The following PLXDC2 variants were observed in gnomAD, a reference collection of about 807,000 sequenced individuals.
PLXDC2 encodes the protein plexin domain-containing protein 2.
PLXDC2 carries 40 observed loss-of-function variants against 68.9 expected under a neutral mutation model. The ratio of observed to expected loss-of-function variants is 0.58; its 90% CI spans 0.45 to 0.76. PLXDC2 has a LOEUF of 0.76. Ranked by LOEUF, PLXDC2 falls within the 30% of genes least tolerant of loss-of-function variation. The pLI, the probability that PLXDC2 is intolerant of heterozygous loss-of-function variation, is 0.00. For missense variants in PLXDC2, 644 were observed against 661.9 expected, an observed-to-expected ratio of 0.97 and a Z score of 0.30; for synonymous variants, 243 against 234.2, an observed-to-expected ratio of 1.04 and a Z score of -0.34.
At chr10:20,067,374 G>A (rs1489594451) in intron 3 of PLXDC2, among the ~76,000 whole-genome samples, 2 of 152,074 alleles carry the variant, frequency 1.3e-5, no homozygotes, top group Non-Finnish European at 2.9e-5. Flanking sequence ...AGAGCTGATT[G>A]TATTTGAAAC....
chr10:20,207,177 T>C (rs1835004893), intron 9 of PLXDC2, among the ~76,000 whole-genome samples: 1 of 152,196 alleles, frequency 6.6e-6, no homozygotes, highest in Non-Finnish European at 1.5e-5. Context: ...CTTTCCATTC[T>C]AGCCCTTAGT....
intron 1 of PLXDC2, among the ~76,000 whole-genome samples, chr10:19,926,603 T>C (rs914102813): frequency 2.6e-5 from 4 of 152,312 alleles, no homozygotes; most frequent in African/African-American, 9.6e-5. Context: ...GCAGAATTCC[T>C]TTCCATTTTT....
rs139140253 is a variant in PLXDC2, at chr10:20,039,934, A to G, written c.325-6935A>G. On this transcript the variant is annotated intron_variant, in intron 2 of 13. Transcript: ENST00000377252. ...GATGCAACTTTCTAAAACTGAGATT[A>G]TAGCGTAAGTGCTGAGAAATAAAAA... is the stretch of plus-strand genomic sequence containing the variant. Among the ~76,000 whole-genome samples the G allele has an allele frequency of 5.3e-5, 8 of 152,322 alleles. No individual in the cohort carries two copies. In the East Asian group the frequency reaches 1.4e-3, roughly 26 times the overall value.
chr10:19,991,009 G>A (rs1834739281), intron 1 of PLXDC2, among the ~76,000 whole-genome samples: 1 of 152,138 alleles, frequency 6.6e-6, no homozygotes, highest in Non-Finnish European at 1.5e-5. Flanking sequence ...CACTTTGGGA[G>A]GCCGAGGCGG....
At chr10:19,962,869 A>G (rs1209168522) in intron 1 of PLXDC2, among the ~76,000 whole-genome samples, 1 of 150,466 alleles carries the variant, frequency 6.6e-6, no homozygotes, top group Non-Finnish European at 1.5e-5. Context: ...TGGTGCCTGT[A>G]GTCCCAGCTG....
At chr10:19,927,064 G>T (rs1250806043) in intron 1 of PLXDC2, among the ~76,000 whole-genome samples, 1 of 152,136 alleles carries the variant, frequency 6.6e-6, no homozygotes, top group Non-Finnish European at 1.5e-5. Context: ...TGGTGTCGTT[G>T]TTGCTGACAA....
intron 12 of PLXDC2, among the ~76,000 whole-genome samples, chr10:20,241,353 G>T (rs1437110245): frequency 6.6e-6 from 1 of 152,140 alleles, no homozygotes; most frequent in Non-Finnish European, 1.5e-5. Context: ...AGTGAAACAT[G>T]ACCCTTGCCC....
intron 4 of PLXDC2, among the ~76,000 whole-genome samples, chr10:20,088,209 A>T (rs1369238612): frequency 6.6e-6 from 1 of 152,180 alleles, no homozygotes; most frequent in Non-Finnish European, 1.5e-5. Flanking sequence ...TAGAGTAACG[A>T]TATCTCCTAA....
intron 13 of PLXDC2, among the ~76,000 whole-genome samples, chr10:20,274,681 A>C (rs1043983743): frequency 2.0e-5 from 3 of 152,160 alleles, no homozygotes; most frequent in Non-Finnish European, 4.4e-5. Flanking sequence ...CCAACAGATC[A>C]ATTTGAGTTA....
In PLXDC2 at chr10:20,281,296, T is replaced by C. The variant is rs1461338935; in HGVS notation, c.*1477T>C. On this transcript the variant is annotated 3_prime_UTR_variant, in exon 14 of 14. Coordinates refer to ENST00000377252, the MANE Select transcript of PLXDC2 (RefSeq NM_032812.9). ...CCCTTGAGAAGGAAAGTGGTTAATA[T>C]ACATACTGAGCTCCTAAAGTTTAAA... 1 of 152,184 alleles carries C rather than the reference T, an allele frequency of 6.6e-6. No homozygotes were observed. Among genetic ancestry groups the C allele is most frequent in the Non-Finnish European group, 1.5e-5 (1 of 68,034 alleles). 9.4% of individuals were successfully genotyped at this position (152,184 alleles called of 1,614,324 possible). A position where few individuals can be genotyped will look rare whatever the true frequency, so the allele number is the denominator to read the frequency against.
rs2119335868 is a variant in PLXDC2 at position 20,245,508 on chromosome 10, A to G, written c.1473+3A>G. On this transcript the variant is annotated splice_donor_region_variant and intron_variant, in intron 13 of 13. Transcript: ENST00000377252. ...CAGCCAGCATCTTCTTTATTGAGGT[A>G]AGTGTTGAGTTTAACACATGAAAAC... 1.2e-6 allele frequency: 2 copies of G among 1,610,424 alleles called. No homozygotes were observed. The highest frequency in any genetic ancestry group is 1.7e-6 in the Non-Finnish European group (2 of 1,179,036).
At chr10:20,058,088 T>C (rs1836031384) in intron 3 of PLXDC2, among the ~76,000 whole-genome samples, 1 of 152,174 alleles carries the variant, frequency 6.6e-6, no homozygotes, top group South Asian at 2.1e-4. Flanking sequence ...CAATTGAATT[T>C]TGAATTATTT....
intron 5 of PLXDC2, among the ~76,000 whole-genome samples, chr10:20,147,281 C>A (rs986914074): frequency 2.0e-5 from 3 of 152,102 alleles, no homozygotes; most frequent in Non-Finnish European, 4.4e-5. Context: ...ATTGTGAACT[C>A]AAGGAGAAAA....
intron 4 of PLXDC2, among the ~76,000 whole-genome samples, chr10:20,131,250 T>C (rs1306746957): frequency 6.6e-6 from 1 of 151,998 alleles, no homozygotes; most frequent in Middle Eastern, 3.2e-3. Context: ...GTTTCTGTAC[T>C]GTTCTGTTCC....
chr10:19,971,127 G>A (rs903785992), intron 1 of PLXDC2, among the ~76,000 whole-genome samples: 10 of 152,084 alleles, frequency 6.6e-5, no homozygotes, highest in East Asian at 3.9e-4. Flanking sequence ...AATACAGCCC[G>A]TTGGTGATTA....
intron 1 of PLXDC2, among the ~76,000 whole-genome samples, chr10:19,871,439 TC>T (rs780856955): frequency 2.6e-5 from 4 of 152,098 alleles, no homozygotes; most frequent in Non-Finnish European, 4.4e-5. Context: ...TTATAAGGTT[TC>T]CTTTTTTAAA....
chr10:20,039,170 C>G (rs1835632971), intron 2 of PLXDC2, among the ~76,000 whole-genome samples: 2 of 152,064 alleles, frequency 1.3e-5, no homozygotes, highest in African/African-American at 4.8e-5. Flanking sequence ...CCTGATCTAC[C>G]CACAACTATG....
intron 1 of PLXDC2, among the ~76,000 whole-genome samples, chr10:19,927,713 C>CAAAAAAAAAA (rs35250324): frequency 5.1e-4 from 27 of 53,146 alleles, no homozygotes; most frequent in East Asian, 1.6e-3. Context: ...GGAAAAAAAG[C>CAAAAAAAAAA]AAAAAAAAAA....
chr10:20,222,766 T>C (rs1346324607), intron 12 of PLXDC2, among the ~76,000 whole-genome samples: 2 of 152,010 alleles, frequency 1.3e-5, no homozygotes, highest in African/African-American at 4.8e-5. Flanking sequence ...GGCAGGAGGA[T>C]TGTATGAGCC....
Sources: gnomAD v4.1 joint callset for allele counts (sites outside exome capture counted in the v4.1 genomes callset) on GRCh38, gnomAD v4.1.1 for gene constraint, MANE v1.5 for transcripts, NCBI Gene and HGNC (gene_info 2026-07-23, HGNC 2026-07-21) for gene names.